The following MRPL22 variants were observed in gnomAD, a reference collection of about 807,000 sequenced individuals.
MRPL22 encodes large ribosomal subunit protein uL22m.
Under a neutral mutation model 32.4 loss-of-function variants are expected in MRPL22, and 27 were observed. That is an observed-to-expected ratio of 0.83 (90% confidence interval 0.61 to 1.15). The LOEUF is 1.15. Among genes scored for constraint, MRPL22 ranks in the 50% most tolerant of loss-of-function variants. The probability of loss-of-function intolerance (pLI) is 0.00; values close to 1 mark genes in which losing one functional copy is unlikely to be tolerated. For synonymous variants in MRPL22, 86 were observed against 87.3 expected (o/e 0.99, Z 0.08); for missense variants, 239 against 260.2 (o/e 0.92, Z 0.56).
intron 5 of MRPL22, among the ~76,000 whole-genome samples, chr5:154,958,018 G>A (rs1033999689): frequency 2.0e-5 from 3 of 147,892 alleles, no homozygotes; most frequent in Non-Finnish European, 4.4e-5. Context: ...CTGCGTTCAA[G>A]CGATTCTTCT....
chr5:154,965,722 C>T (rs970642342), intron 6 of MRPL22, among the ~76,000 whole-genome samples: 1 of 152,076 alleles, frequency 6.6e-6, no homozygotes, highest in Non-Finnish European at 1.5e-5. Flanking sequence ...GCGCCTGGCC[C>T]TTACATGCTA....
chr5:154,956,807 A>C, intron 4 of MRPL22: 1 of 335,282 alleles, frequency 3.0e-6, no homozygotes. Flanking sequence ...TGAAGCAGCA[A>C]ATATACATGT....
At position 154,941,251 on chromosome 5, in the gene MRPL22, G is replaced by T. The variant is rs141049208; in HGVS notation, c.63G>T (p.Gly21=). The T allele has an allele frequency of 5.1e-4, 826 of 1,613,398 alleles. No individual in the cohort carries two copies. Among genetic ancestry groups the T allele is most frequent in the Non-Finnish European group, 6.3e-4 (745 of 1,180,036 alleles). ...GGATACATAACCTGAGGAGCCGGGG[G>T]AAGCTGGCCTTGGGGTGAGTCTCTC... ...ALWIHNLRSR[G]KLALGVLPQS... Residue 21 remains glycine, a synonymous_variant, in exon 2 of 7, where the codon GGG becomes GGT. Transcript: ENST00000523037.
intron 5 of MRPL22, among the ~76,000 whole-genome samples, chr5:154,958,146 T>G (rs1165874651): frequency 6.6e-6 from 1 of 152,158 alleles, no homozygotes; most frequent in Non-Finnish European, 1.5e-5. Context: ...CTTGAACTCC[T>G]GACCTCAGGC....
At chr5:154,954,241 C>T (rs777105499) in intron 3 of MRPL22, among the ~76,000 whole-genome samples, 23 of 151,706 alleles carry the variant, frequency 1.5e-4, no homozygotes, top group Admixed American at 9.2e-4. Flanking sequence ...CTTCCTGCCT[C>T]GGCCTCCCAA....
At chr5:154,953,385 A>G (rs1764590778) in intron 3 of MRPL22, among the ~76,000 whole-genome samples, 1 of 149,434 alleles carries the variant, frequency 6.7e-6, no homozygotes, top group African/African-American at 2.5e-5. Flanking sequence ...AAAAAAAAAA[A>G]AAAGAAAATG....
At chr5:154,945,630 A>G (rs1764478982) in intron 2 of MRPL22, among the ~76,000 whole-genome samples, 1 of 152,218 alleles carries the variant, frequency 6.6e-6, no homozygotes, top group Non-Finnish European at 1.5e-5. Flanking sequence ...GGCAGCCAAT[A>G]TTACAGACCA....
rs73807212 is a variant in MRPL22 at position 154,947,616 on chromosome 5, A to G, written c.78-3205A>G. On this transcript the variant is annotated intron_variant, in intron 2 of 6. Transcript: ENST00000523037. ...GCCAATATACAACCACTTTGAGTAT[A>G]TAAGTCTGAGTTAAATGTTTACGCA... is the stretch of plus-strand genomic sequence containing the variant. 9.8e-3 allele frequency among the ~76,000 whole-genome samples: 1,489 copies of G among 152,362 alleles called. 22 individuals are homozygous for G. The highest frequency in any genetic ancestry group is 0.033 in the African/African-American group (1,374 of 41,588).
Position 154,967,718 on chromosome 5 carries a change from A to G in MRPL22, c.*821A>G, listed in dbSNP as rs1764787550. On this transcript the variant is annotated 3_prime_UTR_variant, in exon 7 of 7. Coordinates refer to ENST00000523037, the MANE Select transcript of MRPL22 (RefSeq NM_014180.4). The surrounding 1 kb of genome is among the most constrained non-coding windows in gnomAD (Gnocchi z 4.7). ...TCAACACTGCTTCCCTCTCATTCATACACGTCTTCATTAAGAAGAAGTACT... is the reference window on the plus strand; with the variant it reads ...TCAACACTGCTTCCCTCTCATTCATGCACGTCTTCATTAAGAAGAAGTACT... 6.6e-6 allele frequency: 1 copy of G among 152,212 alleles called. No individual in the cohort carries two copies. Among genetic ancestry groups the G allele is most frequent in the African/African-American group, 2.4e-5 (1 of 41,452 alleles). 9.4% of individuals were successfully genotyped at this position (152,212 alleles called of 1,614,324 possible).
intron 6 of MRPL22, among the ~76,000 whole-genome samples, chr5:154,964,990 T>C (rs1764748087): frequency 6.6e-6 from 1 of 152,220 alleles, no homozygotes; most frequent in Non-Finnish European, 1.5e-5. Context: ...AAGTGATTTG[T>C]GTAATGCTGC....
intron 2 of MRPL22, among the ~76,000 whole-genome samples, chr5:154,941,727 A>T (rs1764418833): frequency 6.6e-6 from 1 of 152,206 alleles, no homozygotes; most frequent in Admixed American, 6.5e-5. Flanking sequence ...TCAGACAAGG[A>T]AATTGAAGTC....
At chr5:154,954,171 G>C (rs1764602055) in intron 3 of MRPL22, among the ~76,000 whole-genome samples, 1 of 151,594 alleles carries the variant, frequency 6.6e-6, no homozygotes, top group South Asian at 2.1e-4. Context: ...TGTATTTTTA[G>C]TAGAGACGAG....
At chr5:154,965,284 T>C (rs1180299316) in intron 6 of MRPL22, among the ~76,000 whole-genome samples, 1 of 152,238 alleles carries the variant, frequency 6.6e-6, no homozygotes, top group Non-Finnish European at 1.5e-5. Context: ...TAATTTGATA[T>C]GTATTCTGTA....
intron 6 of MRPL22, among the ~76,000 whole-genome samples, chr5:154,962,125 C>A (rs1764714224): frequency 6.6e-6 from 1 of 152,174 alleles, no homozygotes; most frequent in Non-Finnish European, 1.5e-5. Flanking sequence ...TAAAATTTTT[C>A]ATTCACTAAG....
chr5:154,945,898 C>T (rs1234028454), intron 2 of MRPL22, among the ~76,000 whole-genome samples: 1 of 152,090 alleles, frequency 6.6e-6, no homozygotes, highest in African/African-American at 2.4e-5. Flanking sequence ...CACATAGGAA[C>T]TTTTGATTTG....
chr5:154,959,175 G>A (rs1764669824), intron 5 of MRPL22: 2 of 152,200 alleles, frequency 1.3e-5, no homozygotes, highest in Admixed American at 1.3e-4. Flanking sequence ...TGGAACTGCA[G>A]GTGTGTGCCA....
At chr5:154,945,451 A>C (rs550570905) in intron 2 of MRPL22, among the ~76,000 whole-genome samples, 19 of 152,336 alleles carry the variant, frequency 1.2e-4, no homozygotes, top group African/African-American at 4.6e-4. Flanking sequence ...TAAGCATCCA[A>C]GTAGAGATAC....
chr5:154,953,991 C>CTTT (rs1163927758), intron 3 of MRPL22, among the ~76,000 whole-genome samples: 1 of 123,332 alleles, frequency 8.1e-6, no homozygotes, highest in African/African-American at 3.0e-5. Context: ...TGGCCTAAAA[C>CTTT]TTTTTTTTTT....
chr5:154,942,135 G>A (rs577541115), intron 2 of MRPL22, among the ~76,000 whole-genome samples: 12 of 152,150 alleles, frequency 7.9e-5, no homozygotes, highest in African/African-American at 2.9e-4. Flanking sequence ...TTTTTTAGAT[G>A]AAGTGTTGCT....
Sources: allele counts gnomAD v4.1 joint callset (sites outside exome capture counted in the v4.1 genomes callset), GRCh38; gene constraint gnomAD v4.1.1; non-coding constraint Gnocchi (gnomAD v3.1); transcripts MANE v1.5; gene names NCBI Gene and HGNC (gene_info 2026-07-23, HGNC 2026-07-21).